The following MARK1 variants were observed in gnomAD, a reference collection of about 807,000 sequenced individuals.
MARK1 encodes the protein microtubule affinity regulating kinase 1, also known as serine/threonine-protein kinase MARK1.
Under a neutral mutation model 96.3 loss-of-function variants are expected in MARK1, and 40 were observed. That is an observed-to-expected ratio of 0.42 (90% CI 0.32 to 0.54). The LOEUF (loss-of-function observed/expected upper bound fraction) is 0.54, where lower values mean the gene tolerates loss of function less well. MARK1 is among the 20% of genes least tolerant of loss of function. The probability of loss-of-function intolerance (pLI) is 0.16; values close to 1 mark genes in which losing one functional copy is unlikely to be tolerated. For missense variants in MARK1, 719 were observed against 984.6 expected, an observed-to-expected ratio of 0.73 and a Z score of 3.61; for synonymous variants, 317 against 341.2, an observed-to-expected ratio of 0.93 and a Z score of 0.78.
chr1:220,618,644 A>G lies in MARK1; in HGVS notation c.798A>G (p.Arg266=), dbSNP rs143861708. The G allele has an allele frequency of 1.5e-4, 245 of 1,613,628 alleles. No individual in the cohort carries two copies. Among genetic ancestry groups the G allele is most frequent in the Non-Finnish European group, 2.0e-4 (241 of 1,179,938 alleles). Reference sequence around the variant, plus strand: ...CTTTCACTTTTATTAAGGAACTGCGAGAGCGAGTTTTACGAGGGAAGTACC... The same window carrying G: ...CTTTCACTTTTATTAAGGAACTGCGGGAGCGAGTTTTACGAGGGAAGTACC... ...PFDGQNLKEL[R]ERVLRGKYRI... is the part of the protein sequence containing the mutation. Residue 266 remains arginine (R), a synonymous_variant, in exon 9 of 18, where the codon CGA becomes CGG. Coordinates refer to ENST00000366917, the MANE Select transcript of MARK1 (RefSeq NM_018650.5). This position sits in a 1 kb window ranked among gnomAD's most constrained non-coding sequence, Gnocchi z 4.6.
rs1421164352 is a variant in MARK1, at chr1:220,528,365, G to C, written c.-458G>C. The C allele has an allele frequency of 2.6e-5, 4 of 155,746 alleles. No homozygotes were observed. The highest frequency in any genetic ancestry group is 4.1e-4 in the South Asian group (2 of 4,930). 9.6% of individuals were successfully genotyped at this position (155,746 alleles called of 1,614,324 possible). A position where few individuals can be genotyped will look rare whatever the true frequency, so the allele number is the denominator to read the frequency against. ...GCGCCGTACACCTGAGGCGGAGAAC[G>C]GGGCGCGGCGCGGGTGACGCTGTCA... On this transcript the variant is annotated 5_prime_UTR_variant, in exon 1 of 18. Transcript: ENST00000366917.
rs1406816837 is a variant in MARK1 at position 220,528,768 on chromosome 1, C to T, written c.-55C>T. On this transcript the variant is annotated 5_prime_UTR_variant, in exon 1 of 18. Coordinates refer to ENST00000366917, the MANE Select transcript of MARK1 (RefSeq NM_018650.5). Reference sequence around the variant, plus strand: ...ACCCCTTTCCTGTCGCCCCCCGGGGCCCGCACCACAGCCCGGCCGGCGAGA... The same window carrying T: ...ACCCCTTTCCTGTCGCCCCCCGGGGTCCGCACCACAGCCCGGCCGGCGAGA... 4.6e-6 allele frequency: 7 copies of T among 1,519,868 alleles called. No homozygotes were observed. Among genetic ancestry groups the T allele is most frequent in the South Asian group, 1.2e-5 (1 of 82,628 alleles). 94.1% of individuals were successfully genotyped at this position (1,519,868 alleles called of 1,614,324 possible).
At chr1:220,598,221 T>C (rs1449113574) in intron 3 of MARK1, 110 bp from the exon 4 acceptor site, 4 of 388,128 alleles carry the variant, frequency 1.0e-5, no homozygotes, top group African/African-American at 6.7e-5. Flanking sequence ...ATTGCCAGAA[T>C]CCTGTAGCAT....
intron 3 of MARK1, among the ~76,000 whole-genome samples, chr1:220,592,219 C>CATATATTATATT (rs959896118): frequency 7.3e-6 from 1 of 136,542 alleles, no homozygotes; most frequent in African/African-American, 2.7e-5. Flanking sequence ...ATGATTATAT[C>CATATATTATATT]ATATTATATT....
intron 13 of MARK1, among the ~76,000 whole-genome samples, chr1:220,644,457 C>CACA (rs1288079582): frequency 7.2e-6 from 1 of 139,392 alleles, no homozygotes; most frequent in Non-Finnish European, 1.5e-5. Context: ...AGACCCCCCC[C>CACA]CCCCCACACA....
chr1:220,647,811 A>G (rs1668662774), intron 13 of MARK1, among the ~76,000 whole-genome samples: 2 of 152,180 alleles, frequency 1.3e-5, no homozygotes, highest in Admixed American at 1.3e-4. Context: ...CCAACACCAC[A>G]TGTTCTCACT....
chr1:220,541,288 A>T (rs1366985911), intron 1 of MARK1, among the ~76,000 whole-genome samples: 2 of 152,082 alleles, frequency 1.3e-5, no homozygotes, highest in African/African-American at 4.8e-5. Flanking sequence ...CTTCCCTCTT[A>T]GTACTGCTTT....
At chr1:220,621,652 A>G (rs1028835413) in intron 9 of MARK1, among the ~76,000 whole-genome samples, 3 of 152,076 alleles carry the variant, frequency 2.0e-5, no homozygotes, top group African/African-American at 7.2e-5. Context: ...ATATTTTAAT[A>G]TAAAATATTT....
At chr1:220,553,304 T>A (rs980225487) in intron 1 of MARK1, among the ~76,000 whole-genome samples, 1 of 152,210 alleles carries the variant, frequency 6.6e-6, no homozygotes, top group Admixed American at 6.5e-5. Context: ...AAGTTCCGCC[T>A]GTACTCTTCC....
chr1:220,654,627 T>C lies in MARK1; in HGVS notation c.1988+1275T>C, dbSNP rs1265468841. 1.3e-5 allele frequency among the ~76,000 whole-genome samples: 2 copies of C among 152,258 alleles called. No individual in the cohort carries two copies. Among genetic ancestry groups the C allele is most frequent in the Non-Finnish European group, 2.9e-5 (2 of 68,050 alleles). On this transcript the variant is annotated intron_variant, in intron 16 of 17. Coordinates refer to ENST00000366917, the MANE Select transcript of MARK1 (RefSeq NM_018650.5). The surrounding 1 kb of genome is among the most constrained non-coding windows in gnomAD (Gnocchi z 4.0). ...CAGCATGGAAGTTAGATCATAGTGT[T>C]AGCCGGCCATCTGCAGGGTACTAGT...
chr1:220,529,006 G>A (rs2102677072), intron 1 of MARK1, 133 bp downstream of exon 1: 1 of 829,786 alleles, frequency 1.2e-6, no homozygotes, highest in Admixed American at 2.8e-5. Context: ...GGAGCCCGGC[G>A]TGACCCTCAC....
intron 5 of MARK1, among the ~76,000 whole-genome samples, 187 bp downstream of exon 5, chr1:220,600,050 A>G (rs1454112586): frequency 6.6e-6 from 1 of 152,178 alleles, no homozygotes; most frequent in African/African-American, 2.4e-5. Context: ...TACATTATAA[A>G]TGGAATTTTT....
At chr1:220,588,653 A>C (rs1344779920) in intron 3 of MARK1, among the ~76,000 whole-genome samples, 1 of 152,218 alleles carries the variant, frequency 6.6e-6, no homozygotes, top group African/African-American at 2.4e-5. Flanking sequence ...TAAAAGCTAA[A>C]AAGGAAATGA....
rs1667932440 is a variant in MARK1 at position 220,635,880 on chromosome 1, G to A, written c.1324G>A (p.Ala442Thr). The change falls in exon 13 of 18, where the codon GCT (alanine) becomes ACT (threonine). Residue 442 changes from alanine (A) to threonine (T), a missense_variant. Around this residue, in one of 4 missense-constraint regions of MARK1, gnomAD observed 501 missense variants for 588.3 expected, o/e 0.85. Coordinates refer to ENST00000366917, the MANE Select transcript of MARK1 (RefSeq NM_018650.5). ...PAVSYTKRPQ[A>T]NSVESEQKEE... ...TGTATCATATACCAAAAGACCTCAG[G>A]CTAACAGTGTGGAAAGTGAACAGAA... The A allele has an allele frequency of 1.9e-6, 3 of 1,613,738 alleles. No homozygotes were observed. Among genetic ancestry groups the A allele is most frequent in the South Asian group, 1.1e-5 (1 of 91,034 alleles).
chr1:220,630,893 TC>T (rs1667644800), intron 9 of MARK1, 141 bp from the exon 10 acceptor site: 2 of 609,106 alleles, frequency 3.3e-6, no homozygotes, highest in East Asian at 5.6e-5. Context: ...GTCTTACACC[TC>T]TTTTTGGCCC....
chr1:220,583,143 C>T (rs1324774752), intron 3 of MARK1, among the ~76,000 whole-genome samples: 4 of 152,148 alleles, frequency 2.6e-5, no homozygotes, highest in Non-Finnish European at 5.9e-5. Flanking sequence ...GTAAAATTTG[C>T]TTCCATGTCT....
At chr1:220,539,017 C>G (rs1197073579) in intron 1 of MARK1, among the ~76,000 whole-genome samples, 38 of 151,348 alleles carry the variant, frequency 2.5e-4, no homozygotes, top group South Asian at 4.2e-4. Context: ...TCTGCAAACA[C>G]GGACAATTTG....
intron 1 of MARK1, among the ~76,000 whole-genome samples, chr1:220,539,813 T>C (rs1420733010): frequency 6.6e-6 from 1 of 152,160 alleles, no homozygotes; most frequent in Admixed American, 6.5e-5. Context: ...TGATATGCAT[T>C]AGGGATATTG....
chr1:220,580,022 G>A lies in MARK1; in HGVS notation c.255+465G>A, dbSNP rs145151861. Among the ~76,000 whole-genome samples, 284 of 152,190 alleles carry A rather than the reference G, an allele frequency of 1.9e-3. 1 individual carries two copies. Among genetic ancestry groups the A allele is most frequent in the African/African-American group, 6.2e-3 (257 of 41,514 alleles). ...AAGATAATTGGATTTCTAAAATCTC[G>A]TGTGTTTTAAGTTATATGTATTTAT... On this transcript the variant is annotated intron_variant, in intron 2 of 17. Transcript: ENST00000366917.
Sources: gnomAD v4.1 joint callset for allele counts (sites outside exome capture counted in the v4.1 genomes callset) on GRCh38, gnomAD v4.1.1 for gene constraint, gnomAD v4.1.1 regional missense constraint, Gnocchi (gnomAD v3.1) non-coding constraint, MANE v1.5 for transcripts, NCBI Gene and HGNC (gene_info 2026-07-23, HGNC 2026-07-21) for gene names.